BCLAF1: variants seen among roughly 807,000 people sequenced by gnomAD.
BCLAF1 encodes the protein bcl-2-associated transcription factor 1.
BCLAF1 carries 10 observed loss-of-function variants against 99.5 expected under a neutral mutation model. The ratio of observed to expected loss-of-function variants is 0.10; its 90% CI spans 0.06 to 0.17. The LOEUF is 0.17. BCLAF1 is among the 10% of genes least tolerant of loss of function. The pLI, the probability that BCLAF1 is intolerant of heterozygous loss-of-function variation, is 1.00. For missense variants in BCLAF1, 636 were observed against 1,105.8 expected (o/e 0.58, Z 6.02); for synonymous variants, 255 against 370.9 (o/e 0.69, Z 3.59).
In BCLAF1 at chr6:136,278,774, G is replaced by T. The variant is rs200334350; in HGVS notation, c.107C>A (p.Ser36Tyr). The T allele has an allele frequency of 2.7e-6, 4 of 1,506,046 alleles. No individual in the cohort carries two copies. Among genetic ancestry groups the T allele is most frequent in the Non-Finnish European group, 3.5e-6 (4 of 1,129,952 alleles). The allele number at this position is 1,506,046 out of a possible 1,614,324, so 93.3% of individuals were successfully genotyped here. The change falls in exon 4 of 13, where the codon TCT becomes TAT. Residue 36 changes from serine to tyrosine, a missense_variant and splice_region_variant. Ser to Tyr is a moderately radical substitution (Grantham distance 144). Transcript: ENST00000531224. Reference sequence around the variant, plus strand: ...TGAATATGTTCTGGAACGAGACCTAGAACTAAAAATGAAATAAATATCAAT... The same window carrying T: ...TGAATATGTTCTGGAACGAGACCTATAACTAAAAATGAAATAAATATCAAT... ...RSHSRKKRYS[S>Y]RSRSRTYSRS... is the part of the protein sequence containing the mutation.
chr6:136,276,792 C>A (rs1226562056), intron 4 of BCLAF1, among the ~76,000 whole-genome samples: 11 of 152,170 alleles, frequency 7.2e-5, no homozygotes, highest in Admixed American at 7.2e-4. Flanking sequence ...TCTGCACTAA[C>A]ACGAACTTCT....
rs1437485351 is a variant in BCLAF1 at position 136,261,038 on chromosome 6, T to C, written c.*72A>G. The C allele has an allele frequency of 2.7e-6, 4 of 1,455,604 alleles. No homozygotes were observed. Among genetic ancestry groups the C allele is most frequent in the Admixed American group, 2.4e-5 (1 of 41,808 alleles). The allele number at this position is 1,455,604 out of a possible 1,614,324, so 90.2% of individuals were successfully genotyped here. ...TTAAGTAAAATGCTTACATTCTTAT[T>C]TGAAAACAAAAATCAGGTAAAAAAA... On this transcript the variant is annotated 3_prime_UTR_variant, in exon 13 of 13. Transcript: ENST00000531224.
At chr6:136,288,705 T>C (rs897239674) in intron 1 of BCLAF1, among the ~76,000 whole-genome samples, 1 of 152,244 alleles carries the variant, frequency 6.6e-6, no homozygotes, top group Non-Finnish European at 1.5e-5. Context: ...TAGCTGCTGG[T>C]ACTTCAGCTT....
At chr6:136,267,434 TAATC>T (rs1191357420) in intron 10 of BCLAF1, among the ~76,000 whole-genome samples, 1 of 151,988 alleles carries the variant, frequency 6.6e-6, no homozygotes, top group East Asian at 1.9e-4. Context: ...TATTTTTAAA[TAATC>T]AAGTTGTTTT....
intron 7 of BCLAF1, among the ~76,000 whole-genome samples, chr6:136,272,795 C>T (rs1782714706): frequency 6.6e-6 from 1 of 151,882 alleles, no homozygotes; most frequent in Non-Finnish European, 1.5e-5. Flanking sequence ...TCGAAGGTAA[C>T]TCTAGGCCTC....
At chr6:136,288,713 C>T (rs1785505975) in intron 1 of BCLAF1, among the ~76,000 whole-genome samples, 1 of 152,202 alleles carries the variant, frequency 6.6e-6, no homozygotes, top group South Asian at 2.1e-4. Context: ...GGTACTTCAG[C>T]TTGATTCTGA....
Position 136,267,115 on chromosome 6 carries a change from T to G in BCLAF1, c.2458A>C (p.Asn820His). The G allele has an allele frequency of 6.2e-7, 1 of 1,613,278 alleles. No homozygotes were observed. The highest frequency in any genetic ancestry group is 8.5e-7 in the Non-Finnish European group (1 of 1,179,432). ...TTTTGAAAAGTAGTATTTGAGTTGT[T>G]TGGACCAGTATTTGTCCCAGCAAAA... is the stretch of plus-strand genomic sequence containing the variant. ...GVFAGTNTGP[N>H]NSNTTFQKRP... Residue 820 changes from asparagine to histidine, a missense_variant, in exon 11 of 13, where the codon AAC becomes CAC. This residue lies in a region of BCLAF1 where 30 missense variants were observed against 22.9 expected (regional missense o/e 1.31). Coordinates refer to ENST00000531224, the MANE Select transcript of BCLAF1 (RefSeq NM_014739.3).
At chr6:136,261,183 A>G in intron 12 of BCLAF1, 68 bp from the exon 13 acceptor site, 8 of 1,563,710 alleles carry the variant, frequency 5.1e-6, no homozygotes, top group Non-Finnish European at 6.9e-6. Flanking sequence ...CATATTAATA[A>G]TTGTTCCTAA....
intron 7 of BCLAF1, among the ~76,000 whole-genome samples, 186 bp downstream of exon 7, chr6:136,272,896 A>G (rs144913319): frequency 6.6e-4 from 101 of 152,132 alleles, no homozygotes; most frequent in African/African-American, 2.4e-3. Flanking sequence ...TCTAACAACC[A>G]GTTTCAACTA....
At chr6:136,261,883 T>TA (rs1161829102) in intron 11 of BCLAF1, among the ~76,000 whole-genome samples, 2 of 152,152 alleles carry the variant, frequency 1.3e-5, no homozygotes, top group Admixed American at 1.3e-4. Context: ...CAGAAAGTCA[T>TA]AAAAATATCA....
At chr6:136,274,706 A>G (rs76658550) in intron 6 of BCLAF1, among the ~76,000 whole-genome samples, 1 of 152,096 alleles carries the variant, frequency 6.6e-6, no homozygotes, top group Non-Finnish European at 1.5e-5. Context: ...CTGAGAAAGA[A>G]TATGTCTCAT....
chr6:136,288,516 G>C (rs917055062), intron 1 of BCLAF1, among the ~76,000 whole-genome samples: 2 of 152,182 alleles, frequency 1.3e-5, no homozygotes, highest in Non-Finnish European at 2.9e-5. Context: ...TTCACAAGAG[G>C]AACAAGAAAT....
chr6:136,273,357 C>T (rs756777356), intron 6 of BCLAF1, 170 bp from the exon 7 acceptor site: 8 of 572,254 alleles, frequency 1.4e-5, no homozygotes, highest in Non-Finnish European at 2.1e-5. Context: ...TGTACCTCAA[C>T]AGGAGAGTGT....
chr6:136,265,349 G>C (rs1781573836), intron 11 of BCLAF1, among the ~76,000 whole-genome samples: 1 of 152,082 alleles, frequency 6.6e-6, no homozygotes, highest in African/African-American at 2.4e-5. Context: ...GTTCAGAACA[G>C]AACTTAATCT....
At chr6:136,273,258 G>T (rs1200129175) in intron 6 of BCLAF1, 71 bp from the exon 7 acceptor site, 5 of 1,288,332 alleles carry the variant, frequency 3.9e-6, no homozygotes, top group Non-Finnish European at 5.5e-6. Context: ...GTGACAGAAG[G>T]GCATGTAGCA....
intron 1 of BCLAF1, among the ~76,000 whole-genome samples, chr6:136,285,625 G>C (rs1455761564): frequency 6.6e-6 from 1 of 152,016 alleles, no homozygotes; most frequent in Non-Finnish European, 1.5e-5. Context: ...ACAGAAATAA[G>C]GAATAAATTG....
chr6:136,269,405 T>C, intron 9 of BCLAF1, 32 bp downstream of exon 9: 1 of 1,591,838 alleles, frequency 6.3e-7, no homozygotes, highest in Non-Finnish European at 8.5e-7. Flanking sequence ...AATTAGAAGC[T>C]AAAACCTATC....
rs1780506116 is a variant in BCLAF1 at position 136,256,772 on chromosome 6, G to GA, written c.*4337dup. ...TTACAAGTATCCTGAGAACTCAACAGAAAGTTTAGTTTTCCCTTCTAGTAC... is the reference window on the plus strand; with the variant it reads ...TTACAAGTATCCTGAGAACTCAACAGAAAAGTTTAGTTTTCCCTTCTAGTAC... On this transcript the variant is annotated 3_prime_UTR_variant, in exon 13 of 13. Coordinates refer to ENST00000531224, the MANE Select transcript of BCLAF1 (RefSeq NM_014739.3). 6.5e-6 allele frequency: 1 copy of GA among 152,814 alleles called. No homozygotes were observed. The highest frequency in any genetic ancestry group is 2.4e-5 in the African/African-American group (1 of 41,416). The allele number at this position is 152,814 out of a possible 1,614,324, so 9.5% of individuals were successfully genotyped here.
chr6:136,267,355 A>G (rs1289325915), intron 10 of BCLAF1, among the ~76,000 whole-genome samples, 180 bp from the exon 11 acceptor site: 1 of 152,030 alleles, frequency 6.6e-6, no homozygotes, highest in African/African-American at 2.4e-5. Context: ...TCTGCCAACT[A>G]AAAGTTGAGT....
Sources: gnomAD v4.1 joint callset for allele counts (sites outside exome capture counted in the v4.1 genomes callset) on GRCh38, gnomAD v4.1.1 for gene constraint, gnomAD v4.1.1 regional missense constraint, MANE v1.5 for transcripts, NCBI Gene and HGNC (gene_info 2026-07-23, HGNC 2026-07-21) for gene names.